Variants in GRM5 observed in about 807,000 individuals in gnomAD.
GRM5 encodes the protein glutamate metabotropic receptor 5.
In GRM5, 19 loss-of-function variants were observed where a neutral mutation model predicts 83.1. That is an observed-to-expected ratio of 0.23 (90% CI 0.16 to 0.34). GRM5 has a LOEUF of 0.34. Ranked by LOEUF, GRM5 falls within the 10% of genes least tolerant of loss-of-function variation. The probability of loss-of-function intolerance (pLI) is 1.00; values close to 1 mark genes in which losing one functional copy is unlikely to be tolerated. For synonymous variants in GRM5, 675 were observed against 633.6 expected (o/e 1.07, Z -0.98); for missense variants, 1,160 against 1,588.3 (o/e 0.73, Z 4.58).
At chr11:88,924,167 C>A (rs1945745749) in intron 2 of GRM5, among the ~76,000 whole-genome samples, 1 of 150,806 alleles carries the variant, frequency 6.6e-6, no homozygotes, top group Non-Finnish European at 1.5e-5. Flanking sequence ...TCATTGTTAG[C>A]CAGGGTGTGG....
intron 2 of GRM5, among the ~76,000 whole-genome samples, chr11:89,004,574 C>G (rs1203394407): frequency 6.6e-6 from 1 of 151,954 alleles, no homozygotes; most frequent in African/African-American, 2.4e-5. Context: ...TAACCTGAAA[C>G]AAAAAGAAAA....
rs371707075 is a variant in GRM5, at chr11:88,884,101, C to T, written c.662-33946G>A. Among the ~76,000 whole-genome samples the T allele has an allele frequency of 1.1e-4, 16 of 152,228 alleles. No homozygotes were observed. In the East Asian group the frequency reaches 1.7e-3, roughly 17 times the overall value. ...CTCCAGAAACCCAGAATGGTAGATACACCTATAGCTTGCACTGTATGCCTG... is the reference window on the plus strand; with the variant it reads ...CTCCAGAAACCCAGAATGGTAGATATACCTATAGCTTGCACTGTATGCCTG... On this transcript the variant is annotated intron_variant, in intron 2 of 9. Coordinates refer to ENST00000305447, the MANE Select transcript of GRM5 (RefSeq NM_001143831.3).
At chr11:88,993,601 C>T (rs1217604494) in intron 2 of GRM5, among the ~76,000 whole-genome samples, 3 of 152,272 alleles carry the variant, frequency 2.0e-5, no homozygotes, top group Non-Finnish European at 4.4e-5. Flanking sequence ...CAAAGACAAA[C>T]TGTTTCTGTG....
chr11:89,006,354 C>G (rs950695212), intron 2 of GRM5, among the ~76,000 whole-genome samples: 15 of 152,284 alleles, frequency 9.9e-5, no homozygotes, highest in African/African-American at 3.4e-4. Context: ...TCTTTTTATA[C>G]CCACTATTTC....
intron 2 of GRM5, among the ~76,000 whole-genome samples, chr11:89,043,648 G>A (rs374285739): frequency 4.6e-5 from 7 of 151,784 alleles, no homozygotes; most frequent in African/African-American, 1.7e-4. Flanking sequence ...ACTAAAGTGA[G>A]AGGGATGAGT....
At chr11:88,942,828 C>A (rs1216608099) in intron 2 of GRM5, among the ~76,000 whole-genome samples, 1 of 151,844 alleles carries the variant, frequency 6.6e-6, no homozygotes, top group Non-Finnish European at 1.5e-5. Flanking sequence ...TTTTATAGAA[C>A]CTCAACAAAT....
chr11:88,882,715 C>T (rs1311033310), intron 2 of GRM5, among the ~76,000 whole-genome samples: 1 of 152,016 alleles, frequency 6.6e-6, no homozygotes, highest in Non-Finnish European at 1.5e-5. Context: ...CAAGATCAAA[C>T]AGCTGATGTT....
intron 8 of GRM5, among the ~76,000 whole-genome samples, chr11:88,552,842 C>CA (rs1328377629): frequency 2.0e-5 from 3 of 152,092 alleles, no homozygotes; most frequent in African/African-American, 7.2e-5. Context: ...GAGATACAGT[C>CA]ACAGAGCAGT....
chr11:88,763,427 G>C (rs1474515759), intron 3 of GRM5, among the ~76,000 whole-genome samples: 1 of 151,744 alleles, frequency 6.6e-6, no homozygotes, highest in South Asian at 2.1e-4. Flanking sequence ...TTTTCTACAT[G>C]ACTAAATTAC....
At chr11:88,608,581 C>T (rs183897931) in intron 4 of GRM5, among the ~76,000 whole-genome samples, 92 of 139,564 alleles carry the variant, frequency 6.6e-4, no homozygotes, top group African/African-American at 7.3e-4. Context: ...TGCAGTGGCG[C>T]GATATTGGCT....
intron 2 of GRM5, among the ~76,000 whole-genome samples, chr11:89,026,019 A>T (rs1220583485): frequency 6.6e-6 from 1 of 152,212 alleles, no homozygotes; most frequent in Admixed American, 6.5e-5. Context: ...AAGCAAAATC[A>T]TGCTCTTTTT....
chr11:88,739,565 C>T (rs1941987849), intron 3 of GRM5, among the ~76,000 whole-genome samples: 4 of 151,936 alleles, frequency 2.6e-5, no homozygotes, highest in Admixed American at 2.0e-4. Flanking sequence ...TTGTAATTCC[C>T]ACGTGGGGAG....
At chr11:89,037,515 TTGAAA>T (rs1941421552) in intron 2 of GRM5, among the ~76,000 whole-genome samples, 2 of 152,294 alleles carry the variant, frequency 1.3e-5, no homozygotes, top group African/African-American at 4.8e-5. Context: ...TTTTCACCCT[TTGAAA>T]TAATTCTCAT....
In GRM5 at chr11:88,745,788, T is replaced by C. The variant is rs368077659; in HGVS notation, c.912-92385A>G. ...AGCTGCTTTTGGTAGGCTGTAGTGA[T>C]AGAGCCTCTAGCAGCCAATCCACCT... On this transcript the variant is annotated intron_variant, in intron 3 of 9. Transcript: ENST00000305447. Among the ~76,000 whole-genome samples, 13 of 152,272 alleles carry C rather than the reference T, an allele frequency of 8.5e-5. No individual in the cohort carries two copies. In the East Asian group the frequency reaches 1.9e-3, roughly 23 times the overall value.
chr11:88,521,877 A>G (rs1941701581), intron 9 of GRM5, among the ~76,000 whole-genome samples: 1 of 152,210 alleles, frequency 6.6e-6, no homozygotes, highest in Non-Finnish European at 1.5e-5. Context: ...AATGTTACAG[A>G]TCAGAAAATA....
chr11:88,587,733 G>A (rs1469646761), intron 7 of GRM5, among the ~76,000 whole-genome samples: 1 of 152,048 alleles, frequency 6.6e-6, no homozygotes, highest in Non-Finnish European at 1.5e-5. Flanking sequence ...CTCTAAAAAT[G>A]CAAGGTCACT....
rs187597405 is a variant in GRM5 at position 89,043,610 on chromosome 11, A to G, written c.661+3602T>C. 3.3e-5 allele frequency among the ~76,000 whole-genome samples: 5 copies of G among 150,444 alleles called. No homozygotes were observed. The East Asian group carries it at 9.7e-4, about 29-fold the overall frequency. On this transcript the variant is annotated intron_variant, in intron 2 of 9. Coordinates refer to ENST00000305447, the MANE Select transcript of GRM5 (RefSeq NM_001143831.3). The stretch of plus-strand genomic sequence containing the variant: ...TTGCTTTTGAAGTTTAAGCAATAGT[A>G]TCTGATTTGGGAGAAGGGAAGTTAG...
intron 4 of GRM5, among the ~76,000 whole-genome samples, chr11:88,631,402 T>C (rs953026293): frequency 1.3e-5 from 2 of 152,168 alleles, no homozygotes; most frequent in East Asian, 1.9e-4. Flanking sequence ...ATACCACATA[T>C]TGTATTTCTT....
At chr11:88,520,196 A>T (rs934093492) in intron 9 of GRM5, among the ~76,000 whole-genome samples, 2 of 152,184 alleles carry the variant, frequency 1.3e-5, no homozygotes, top group African/African-American at 4.8e-5. Context: ...TGTGGGATAC[A>T]TGGTAATCAT....
Sources: gnomAD v4.1 joint callset for allele counts (sites outside exome capture counted in the v4.1 genomes callset) on GRCh38, gnomAD v4.1.1 for gene constraint, MANE v1.5 for transcripts, NCBI Gene and HGNC (gene_info 2026-07-23, HGNC 2026-07-21) for gene names.